ILK: variants seen among roughly 807,000 people sequenced by gnomAD.
The protein encoded by ILK is scaffold protein ILK.
ILK carries 37 observed loss-of-function variants against 57.8 expected under a neutral mutation model. The observed-to-expected ratio is 0.64, with a 90% confidence interval of 0.49 to 0.84. The LOEUF (loss-of-function observed/expected upper bound fraction) is 0.84, where lower values mean the gene tolerates loss of function less well. ILK is among the 40% of genes least tolerant of loss of function. The probability of loss-of-function intolerance (pLI) is 0.00; values close to 1 mark genes in which losing one functional copy is unlikely to be tolerated. For missense variants in ILK, 528 were observed against 595.7 expected (o/e 0.89, Z 1.18); for synonymous variants, 231 against 202.2 (o/e 1.14, Z -1.21).
At position 6,604,262 on chromosome 11, in the gene ILK, G is replaced by A. The variant is rs1191284616; in HGVS notation, c.-10G>A. On this transcript the variant is annotated 5_prime_UTR_variant, in exon 2 of 13. Coordinates refer to ENST00000299421, the MANE Select transcript of ILK (RefSeq NM_004517.4). ...CCCCAATCCAGGGGACTCGGCGCCG[G>A]GACGCTGCTATGGACGACATTTTCA... is the stretch of plus-strand genomic sequence containing the variant. 2.5e-6 allele frequency: 4 copies of A among 1,609,654 alleles called. No individual in the cohort carries two copies. The highest frequency in any genetic ancestry group is 3.4e-6 in the Non-Finnish European group (4 of 1,179,032).
intron 2 of ILK, chr11:6,607,763 A>G (rs1385087956): frequency 2.1e-6 from 1 of 469,052 alleles, no homozygotes; most frequent in African/African-American, 2.0e-5. Flanking sequence ...GGTGCAAGAG[A>G]AACCAGGGGA....
intron 2 of ILK, chr11:6,605,044 G>T (rs987293424): frequency 5.5e-6 from 2 of 361,178 alleles, no homozygotes; most frequent in Non-Finnish European, 1.1e-5. Context: ...GAGGACCAGG[G>T]TTCTGGCTTG....
rs1336689318 is a variant in ILK, at chr11:6,609,410, T to C, written c.728+2T>C. The C allele has an allele frequency of 6.2e-7, 1 of 1,613,782 alleles. No individual in the cohort carries two copies. The highest frequency in any genetic ancestry group is 8.5e-7 in the Non-Finnish European group (1 of 1,179,886). On this transcript the variant is annotated splice_donor_variant, in intron 8 of 12. Transcript: ENST00000299421. LOFTEE classifies it high-confidence loss of function. ...CAATGAAGAGTGTCCCCGGCTCAGGTAGTGCAAGGCGTAACCTGGAAGCTG... is the reference window on the plus strand; with the variant it reads ...CAATGAAGAGTGTCCCCGGCTCAGGCAGTGCAAGGCGTAACCTGGAAGCTG...
intron 7 of ILK, 64 bp from the exon 8 acceptor site, chr11:6,609,235 C>T: frequency 1.9e-6 from 3 of 1,601,560 alleles, no homozygotes; most frequent in Admixed American, 3.3e-5. Flanking sequence ...AGTTTTTCCT[C>T]CAGTTAGTGG....
rs776123992 is a variant in ILK at position 6,608,981 on chromosome 11, G to A, written c.532+14G>A. The A allele has an allele frequency of 2.5e-6, 4 of 1,614,004 alleles. No individual in the cohort carries two copies. Among genetic ancestry groups the A allele is most frequent in the Non-Finnish European group, 3.4e-6 (4 of 1,179,848 alleles). On this transcript the variant is annotated intron_variant, in intron 6 of 12. Coordinates refer to ENST00000299421, the MANE Select transcript of ILK (RefSeq NM_004517.4). This position sits in a 1 kb window ranked among gnomAD's most constrained non-coding sequence, Gnocchi z 4.9. ...GCACTCGGCCCCGTGAGTCACCACT[G>A]TGGGAAGAAGGGTTGTAAAAGGAAA...
At position 6,608,127 on chromosome 11, in the gene ILK, G is replaced by T; in HGVS notation, c.171G>T (p.Gly57=). ...SAVVEMLIMR[G]ARINVMNRGD... is the part of the protein sequence containing the mutation. ...TGGTTGAGATGTTGATCATGCGGGGGGCACGGATCAATGTAATGAACCGTG... is the reference window on the plus strand; with the variant it reads ...TGGTTGAGATGTTGATCATGCGGGGTGCACGGATCAATGTAATGAACCGTG... Residue 57 remains glycine (G), a synonymous_variant, in exon 3 of 13, where the codon GGG becomes GGT. Coordinates refer to ENST00000299421, the MANE Select transcript of ILK (RefSeq NM_004517.4). The surrounding 1 kb of genome is among the most constrained non-coding windows in gnomAD (Gnocchi z 4.9). 1 of 1,614,106 alleles carries T rather than the reference G, an allele frequency of 6.2e-7. No individual in the cohort carries two copies. The highest frequency in any genetic ancestry group is 8.5e-7 in the Non-Finnish European group (1 of 1,179,972).
chr11:6,605,513 G>GTT (rs10706340), intron 2 of ILK, among the ~76,000 whole-genome samples: 2 of 147,956 alleles, frequency 1.4e-5, no homozygotes, highest in Admixed American at 6.7e-5. Flanking sequence ...TTACAGTTGG[G>GTT]TTTTTTTTTT....
chr11:6,603,921 T>C (rs1854552917), intron 1 of ILK, 99 bp downstream of exon 1: 4 of 463,002 alleles, frequency 8.6e-6, no homozygotes, highest in South Asian at 7.2e-5. Flanking sequence ...CGGTCCCCTC[T>C]CCCAGAGTAT....
At chr11:6,610,436 G>C (rs780978111) in intron 12 of ILK, 26 bp from the exon 13 acceptor site, 3 of 1,614,180 alleles carry the variant, frequency 1.9e-6, no homozygotes, top group Non-Finnish European at 2.5e-6. Context: ...CAAATTGTGA[G>C]GCTGCTTTTT....
chr11:6,608,818 T>C lies in ILK; in HGVS notation c.448+28T>C. 1 of 1,612,688 alleles carries C rather than the reference T, an allele frequency of 6.2e-7. No homozygotes were observed. Among genetic ancestry groups the C allele is most frequent in the South Asian group, 1.1e-5 (1 of 91,064 alleles). On this transcript the variant is annotated intron_variant, in intron 5 of 12. Transcript: ENST00000299421. The surrounding 1 kb of genome is among the most constrained non-coding windows in gnomAD (Gnocchi z 4.9). The stretch of plus-strand genomic sequence containing the variant: ...CCATCTCCCCATCCCCTAGCTTGTG[T>C]CCTCTCGTCCCTTCCCACCTGTCTT...
Position 6,608,704 on chromosome 11 carries a change from C to T in ILK, c.362C>T (p.Ala121Val). The T allele has an allele frequency of 6.2e-7, 1 of 1,613,952 alleles. No homozygotes were observed. The highest frequency in any genetic ancestry group is 8.5e-7 in the Non-Finnish European group (1 of 1,179,846). The change falls in exon 5 of 13, where the codon GCA (alanine) becomes GTA (valine). Residue 121 changes from alanine to valine, a missense_variant. By Grantham distance (64) the Ala-to-Val change is moderately conservative (BLOSUM62 0). Transcript: ENST00000299421. This position sits in a 1 kb window ranked among gnomAD's most constrained non-coding sequence, Gnocchi z 4.9. ...GCCTTTTCATTCCAGGACCTGGTGG[C>T]AAATGGGGCCCTTGTCAGCATCTGT... is the stretch of plus-strand genomic sequence containing the variant. Reference protein sequence around the residue: ...GQDQVAEDLVANGALVSICNK... With the variant: ...GQDQVAEDLVVNGALVSICNK...
chr11:6,605,462 A>G (rs1854789997), intron 2 of ILK, among the ~76,000 whole-genome samples: 2 of 152,142 alleles, frequency 1.3e-5, no homozygotes, highest in African/African-American at 4.8e-5. Flanking sequence ...CAGGCTACTG[A>G]GAGATCAAAG....
In ILK at chr11:6,609,082, C is replaced by T. The variant is rs1855232622; in HGVS notation, c.544C>T (p.Leu182=). The part of the protein sequence containing the change: ...TTRTRPRNGT[L]NKHSGIDFKQ... ...GCCCACACTCTTAGGAAATGGAACC[C>T]TGAACAAACACTCTGGCATTGACTT... The change falls in exon 7 of 13, where the codon CTG becomes TTG. Residue 182 remains leucine (L), a synonymous_variant. Coordinates refer to ENST00000299421, the MANE Select transcript of ILK (RefSeq NM_004517.4). 6.2e-7 allele frequency: 1 copy of T among 1,614,022 alleles called. No homozygotes were observed. The highest frequency in any genetic ancestry group is 1.3e-5 in the African/African-American group (1 of 74,924).
rs1159150973 is a variant in ILK at position 6,608,831 on chromosome 11, T to A, written c.448+41T>A. The stretch of plus-strand genomic sequence containing the variant: ...CCCTAGCTTGTGTCCTCTCGTCCCT[T>A]CCCACCTGTCTTCTCCCTCTGTACC... On this transcript the variant is annotated intron_variant, in intron 5 of 12. Coordinates refer to ENST00000299421, the MANE Select transcript of ILK (RefSeq NM_004517.4). The surrounding 1 kb of genome is among the most constrained non-coding windows in gnomAD (Gnocchi z 4.9). 1.9e-6 allele frequency: 3 copies of A among 1,612,784 alleles called. No homozygotes were observed. The African/African-American group carries it at 4.0e-5, about 22-fold the overall frequency.
chr11:6,608,401 A>T lies in ILK; in HGVS notation c.263A>T (p.Gln88Leu). The part of the protein sequence containing the change: ...GHRDIVQKLL[Q>L]YKADINAVNE... ...TCTGGCCATGGGGTCCAGCTATTGC[A>T]GTACAAGGCAGACATCAATGCAGTG... Residue 88 changes from glutamine (Q) to leucine (L), a missense_variant, in exon 4 of 13, where the codon CAG (glutamine) becomes CTG (leucine). Physicochemically the swap from Gln to Leu is moderately radical, Grantham distance 113. Coordinates refer to ENST00000299421, the MANE Select transcript of ILK (RefSeq NM_004517.4). This position sits in a 1 kb window ranked among gnomAD's most constrained non-coding sequence, Gnocchi z 4.9. 6.2e-7 allele frequency: 1 copy of T among 1,613,916 alleles called. No individual in the cohort carries two copies. Among genetic ancestry groups the T allele is most frequent in the South Asian group, 1.1e-5 (1 of 91,074 alleles).
chr11:6,608,131 CG>C lies in ILK; in HGVS notation c.177del (p.Ile60SerfsTer3), dbSNP rs1855119935. ...TGAGATGTTGATCATGCGGGGGGCA[CG>C]GATCAATGTAATGAACCGTGGGGAT... The part of the protein sequence containing the change: ...VVEMLIMRGA[R>X]INVMNRGDDT... On this transcript the variant is annotated frameshift_variant, in exon 3 of 13. Transcript: ENST00000299421. LOFTEE classifies it high-confidence loss of function. The surrounding 1 kb of genome is among the most constrained non-coding windows in gnomAD (Gnocchi z 4.9). The C allele has an allele frequency of 6.2e-7, 1 of 1,613,928 alleles. No homozygotes were observed. Among genetic ancestry groups the C allele is most frequent in the Admixed American group, 1.7e-5 (1 of 59,998 alleles).
At chr11:6,605,325 G>C (rs1439413626) in intron 2 of ILK, among the ~76,000 whole-genome samples, 3 of 151,910 alleles carry the variant, frequency 2.0e-5, no homozygotes, top group Admixed American at 2.0e-4. Context: ...AAGGCAAGAG[G>C]TCAGGGGACA....
intron 10 of ILK, 31 bp from the exon 11 acceptor site, chr11:6,609,905 T>TA: frequency 6.2e-7 from 1 of 1,614,174 alleles, no homozygotes; most frequent in Non-Finnish European, 8.5e-7. Flanking sequence ...ATCTATGACT[T>TA]ACCTCCTTCT....
intron 2 of ILK, among the ~76,000 whole-genome samples, chr11:6,605,211 GAC>G (rs1399825599): frequency 6.6e-6 from 1 of 152,136 alleles, no homozygotes; most frequent in Non-Finnish European, 1.5e-5. Context: ...CTGACTTGGA[GAC>G]ACAGATTTGA....
Sources: allele counts gnomAD v4.1 joint callset (sites outside exome capture counted in the v4.1 genomes callset), GRCh38; gene constraint gnomAD v4.1.1; non-coding constraint Gnocchi (gnomAD v3.1); transcripts MANE v1.5; gene names NCBI Gene and HGNC (gene_info 2026-07-23, HGNC 2026-07-21).